Variants in DARS1 observed in about 807,000 individuals in gnomAD.
DARS1 encodes aspartate--tRNA ligase, cytoplasmic.
DARS1 carries 51 observed loss-of-function variants against 68.8 expected under a neutral mutation model. The observed-to-expected ratio is 0.74, with a 90% CI of 0.59 to 0.94. The LOEUF is 0.94. Among genes scored for constraint, DARS1 ranks in the 40% least tolerant of loss-of-function variants. The pLI is 0.00. For missense variants in DARS1, 607 were observed against 597.3 expected (o/e 1.02, Z -0.17); for synonymous variants, 203 against 190.4 (o/e 1.07, Z -0.55).
chr2:135,928,129 T>C (rs1681264212), intron 7 of DARS1, among the ~76,000 whole-genome samples: 1 of 152,228 alleles, frequency 6.6e-6, no homozygotes, highest in African/African-American at 2.4e-5. Flanking sequence ...AACAAATTAC[T>C]TCCATGTTGT....
intron 1 of DARS1, chr2:135,985,136 G>C: frequency 2.0e-6 from 1 of 510,680 alleles, no homozygotes; most frequent in Non-Finnish European, 3.5e-6. Context: ...TCCTACTTCC[G>C]GGGCGGCTGG....
chr2:135,922,964 A>G lies in DARS1; in HGVS notation c.677-46T>C, dbSNP rs309158. ...TTTATATTATTATAATCAATTGTAAACTTATCAATGCAAACCTCTAGTTAA... is the reference window on the plus strand; with the variant it reads ...TTTATATTATTATAATCAATTGTAAGCTTATCAATGCAAACCTCTAGTTAA... On this transcript the variant is annotated intron_variant, in intron 8 of 15. Coordinates refer to ENST00000264161, the MANE Select transcript of DARS1 (RefSeq NM_001349.4). 0.18 allele frequency: 250,421 copies of G among 1,403,390 alleles called. 29,837 individuals carry two copies. Among genetic ancestry groups the G allele is most frequent in the Middle Eastern group, 0.44 (1,743 of 3,992 alleles). 86.9% of individuals were successfully genotyped at this position (1,403,390 alleles called of 1,614,324 possible).
At chr2:135,980,737 A>G (rs1001085280) in intron 2 of DARS1, among the ~76,000 whole-genome samples, 6 of 152,230 alleles carry the variant, frequency 3.9e-5, no homozygotes, top group Admixed American at 1.3e-4. Flanking sequence ...AGACTGAAAA[A>G]GCAATGGCTA....
At chr2:135,950,937 T>C (rs1681826612) in intron 4 of DARS1, among the ~76,000 whole-genome samples, 1 of 151,900 alleles carries the variant, frequency 6.6e-6, no homozygotes, top group Non-Finnish European at 1.5e-5. Context: ...GTGCAGAGCG[T>C]AGTTTCAGGA....
Position 135,922,851 on chromosome 2 carries a change from C to T in DARS1, c.744G>A (p.Gln248=), listed in dbSNP as rs1681133128. 6.3e-7 allele frequency: 1 copy of T among 1,589,302 alleles called. No homozygotes were observed. The highest frequency in any genetic ancestry group is 1.4e-5 in the African/African-American group (1 of 73,728). ...SYFKNNAYLA[Q]SPQLYKQMCI... ...ACATTTGCTTATATAGCTGTGGGGA[C>T]TGAGCCAGGTATGCATTATTTTTAA... Residue 248 remains glutamine (Q), a synonymous_variant, in exon 9 of 16, where the codon CAG becomes CAA. Transcript: ENST00000264161.
At chr2:135,964,953 C>T (rs1682191055) in intron 3 of DARS1, among the ~76,000 whole-genome samples, 1 of 143,776 alleles carries the variant, frequency 7.0e-6, no homozygotes, top group South Asian at 2.2e-4. Context: ...AAAAAGGCAA[C>T]AGATGGGGGA....
At chr2:135,928,016 T>C (rs1575388613) in intron 7 of DARS1, among the ~76,000 whole-genome samples, 1 of 152,114 alleles carries the variant, frequency 6.6e-6, no homozygotes, top group Non-Finnish European at 1.5e-5. Flanking sequence ...TGGAGAGAAG[T>C]AAGGGTGTTG....
intron 5 of DARS1, among the ~76,000 whole-genome samples, chr2:135,941,350 C>T (rs1473126472): frequency 7.2e-5 from 11 of 152,126 alleles, no homozygotes; most frequent in African/African-American, 2.4e-4. Context: ...TCAGAAATAA[C>T]ACCGCATATC....
In DARS1 at chr2:135,920,571, T is replaced by C. The variant is rs1291758309; in HGVS notation, c.841A>G (p.Arg281Gly). 6.2e-7 allele frequency: 1 copy of C among 1,613,276 alleles called. No homozygotes were observed. ...AAACCAACAAACTCAGTTAGATGTC[T>C]ATGGGTATTAGAGTCTTCCGCTCTG... is the stretch of plus-strand genomic sequence containing the variant. ...VFRAEDSNTH[R>G]HLTEFVGLDI... Residue 281 changes from arginine (R) to glycine (G), a missense_variant, in exon 10 of 16, where the codon AGA becomes GGA. Coordinates refer to ENST00000264161, the MANE Select transcript of DARS1 (RefSeq NM_001349.4).
intron 3 of DARS1, among the ~76,000 whole-genome samples, chr2:135,963,302 T>G (rs1398122539): frequency 3.3e-5 from 5 of 152,218 alleles, no homozygotes; most frequent in Admixed American, 3.3e-4. Flanking sequence ...TGAGGTTTTC[T>G]TTCATAATCA....
intron 10 of DARS1, among the ~76,000 whole-genome samples, chr2:135,920,135 G>A (rs1407071069): frequency 6.6e-6 from 1 of 152,196 alleles, no homozygotes. Flanking sequence ...AGAAACACAT[G>A]CTGTATTTCT....
At chr2:135,911,059 C>A in intron 15 of DARS1, 80 bp downstream of exon 15, 2 of 684,084 alleles carry the variant, frequency 2.9e-6, no homozygotes, top group East Asian at 5.5e-5. Context: ...TCGTAATTCA[C>A]TTTTAAAAAT....
intron 9 of DARS1, among the ~76,000 whole-genome samples, chr2:135,922,259 G>A (rs1004996730): frequency 6.6e-5 from 10 of 152,166 alleles, no homozygotes; most frequent in Admixed American, 3.9e-4. Context: ...AAATTAGACA[G>A]AGGTACACTG....
chr2:135,944,348 G>C (rs1681670850), intron 4 of DARS1, among the ~76,000 whole-genome samples: 1 of 152,074 alleles, frequency 6.6e-6, no homozygotes, highest in Non-Finnish European at 1.5e-5. Flanking sequence ...AATTTTCATG[G>C]AAAAATTCTA....
intron 3 of DARS1, among the ~76,000 whole-genome samples, chr2:135,968,976 A>G (rs1196375815): frequency 6.6e-6 from 1 of 152,098 alleles, no homozygotes; most frequent in Non-Finnish European, 1.5e-5. Flanking sequence ...ATTAAGTTTC[A>G]ATATAGCATG....
Position 135,907,351 on chromosome 2 carries a change from T to A in DARS1, c.1471A>T (p.Met491Leu). 3 of 1,563,278 alleles carry A rather than the reference T, an allele frequency of 1.9e-6. No homozygotes were observed. The highest frequency in any genetic ancestry group is 2.6e-6 in the Non-Finnish European group (3 of 1,149,086). Reference sequence around the variant, plus strand: ...AGTCGTTTGGGATCACGAGGGAACATGGAGGTCTGACGAACATTATGCAAT... The same window carrying A: ...AGTCGTTTGGGATCACGAGGGAACAAGGAGGTCTGACGAACATTATGCAAT... ...LGLHNVRQTS[M>L]FPRDPKRLTP The change falls in exon 16 of 16, where the codon ATG becomes TTG. Residue 491 changes from methionine (M) to leucine (L), a missense_variant. By Grantham distance (15) the Met-to-Leu change is conservative (BLOSUM62 2). Transcript: ENST00000264161.
chr2:135,965,432 A>C (rs968260201), intron 3 of DARS1, among the ~76,000 whole-genome samples: 3 of 152,194 alleles, frequency 2.0e-5, no homozygotes, highest in Admixed American at 2.0e-4. Flanking sequence ...AGGAACAAGA[A>C]AAAAACCATA....
rs1217316550 is a variant in DARS1 at position 135,906,240 on chromosome 2, CT to C, written c.*1075del. Among the ~76,000 whole-genome samples the C allele has an allele frequency of 3.3e-5, 5 of 152,044 alleles. No homozygotes were observed. The highest frequency in any genetic ancestry group is 5.9e-5 in the Non-Finnish European group (4 of 67,992). On this transcript the variant is annotated 3_prime_UTR_variant, in exon 16 of 16. Coordinates refer to ENST00000264161, the MANE Select transcript of DARS1 (RefSeq NM_001349.4). ...TTTTTCTGCATGTAATTTTTTCTTC[CT>C]GTACAAAAATATGTTATGTTTTGTT...
At chr2:135,975,759 A>G (rs1682483645) in intron 3 of DARS1, among the ~76,000 whole-genome samples, 1 of 151,666 alleles carries the variant, frequency 6.6e-6, no homozygotes, top group Admixed American at 6.6e-5. Flanking sequence ...GACTCAAAAA[A>G]AAAAAAAAAA....
Sources: gnomAD v4.1 joint callset for allele counts (sites outside exome capture counted in the v4.1 genomes callset) on GRCh38, gnomAD v4.1.1 for gene constraint, MANE v1.5 for transcripts, NCBI Gene and HGNC (gene_info 2026-07-23, HGNC 2026-07-21) for gene names.